Variants in NKAIN3 observed in about 807,000 individuals in gnomAD.
The protein encoded by NKAIN3 is sodium/potassium transporting ATPase interacting 3.
NKAIN3 carries 25 observed loss-of-function variants against 30.2 expected under a neutral mutation model. The ratio of observed to expected loss-of-function variants is 0.83; its 90% CI spans 0.60 to 1.16. The LOEUF (loss-of-function observed/expected upper bound fraction) is 1.16, where lower values mean the gene tolerates loss of function less well. Ranked by LOEUF, NKAIN3 falls within the 50% of genes most tolerant of loss-of-function variation. The pLI is 0.00. For missense variants in NKAIN3, 225 were observed against 254.1 expected (o/e 0.89, Z 0.78); for synonymous variants, 91 against 89.6 (o/e 1.02, Z -0.09).
intron 1 of NKAIN3, among the ~76,000 whole-genome samples, chr8:62,516,207 A>G (rs1052167114): frequency 7.2e-5 from 11 of 152,098 alleles, no homozygotes; most frequent in Non-Finnish European, 1.2e-4. Flanking sequence ...TCCACCCTTC[A>G]CATTTAAGTT....
chr8:62,343,657 T>C (rs1815829368), intron 1 of NKAIN3, among the ~76,000 whole-genome samples: 2 of 151,768 alleles, frequency 1.3e-5, no homozygotes, highest in Non-Finnish European at 2.9e-5. Context: ...AAAAAAATTT[T>C]TTAATTAACT....
intron 3 of NKAIN3, among the ~76,000 whole-genome samples, chr8:62,717,383 G>A (rs1305138027): frequency 1.3e-5 from 2 of 151,970 alleles, no homozygotes; most frequent in Non-Finnish European, 2.9e-5. Context: ...TGCTTTATGT[G>A]TTGCTTTCAT....
At chr8:62,571,053 T>C in intron 1 of NKAIN3, among the ~76,000 whole-genome samples, 1 of 152,186 alleles carries the variant, frequency 6.6e-6, no homozygotes, top group East Asian at 1.9e-4. Context: ...TAAAGTGTGA[T>C]GTAAAAGCTC....
chr8:62,345,923 C>T (rs2129591406), intron 1 of NKAIN3, among the ~76,000 whole-genome samples: 1 of 152,042 alleles, frequency 6.6e-6, no homozygotes, highest in Admixed American at 6.6e-5. Flanking sequence ...TTTGCGGCAA[C>T]ATAGATGAAA....
At chr8:62,321,462 A>T (rs945162447) in intron 1 of NKAIN3, among the ~76,000 whole-genome samples, 3 of 152,070 alleles carry the variant, frequency 2.0e-5, no homozygotes, top group African/African-American at 7.2e-5. Flanking sequence ...TTTGTGGTTT[A>T]TCTACCTTTG....
chr8:62,512,600 C>T (rs1248897513), intron 1 of NKAIN3, among the ~76,000 whole-genome samples: 1 of 152,130 alleles, frequency 6.6e-6, no homozygotes, highest in Non-Finnish European at 1.5e-5. Context: ...CACTATTCTA[C>T]TTGCTAAGTC....
At chr8:62,385,343 G>C (rs984426134) in intron 1 of NKAIN3, among the ~76,000 whole-genome samples, 1 of 152,186 alleles carries the variant, frequency 6.6e-6, no homozygotes, top group Non-Finnish European at 1.5e-5. Context: ...AGCCTATGGT[G>C]GGTATTGTTC....
chr8:62,268,608 A>T (rs1388161927), intron 1 of NKAIN3, among the ~76,000 whole-genome samples: 1 of 152,188 alleles, frequency 6.6e-6, no homozygotes, highest in East Asian at 1.9e-4. Context: ...AATACCTGTT[A>T]TGTTAGGTAT....
chr8:62,550,071 T>C (rs1809148994), intron 1 of NKAIN3, among the ~76,000 whole-genome samples: 1 of 151,884 alleles, frequency 6.6e-6, no homozygotes, highest in Non-Finnish European at 1.5e-5. Flanking sequence ...ACTCTTACAA[T>C]TATAATACAT....
intron 1 of NKAIN3, among the ~76,000 whole-genome samples, chr8:62,450,843 A>G (rs1225370460): frequency 6.6e-6 from 1 of 152,214 alleles, no homozygotes; most frequent in Non-Finnish European, 1.5e-5. Flanking sequence ...AGAATGTCTT[A>G]TGTTATTGTG....
chr8:62,785,952 C>T (rs1290355342), intron 4 of NKAIN3, among the ~76,000 whole-genome samples: 1 of 152,090 alleles, frequency 6.6e-6, no homozygotes, highest in Non-Finnish European at 1.5e-5. Context: ...AGCACCCTCA[C>T]AACTGGACAG....
intron 1 of NKAIN3, among the ~76,000 whole-genome samples, chr8:62,350,685 T>G (rs1220367020): frequency 6.6e-6 from 1 of 152,068 alleles, no homozygotes; most frequent in Non-Finnish European, 1.5e-5. Context: ...ATGAGCTTTT[T>G]AATTTTTATT....
At chr8:62,591,288 G>T (rs1452073379) in intron 3 of NKAIN3, among the ~76,000 whole-genome samples, 1 of 151,852 alleles carries the variant, frequency 6.6e-6, no homozygotes, top group Non-Finnish European at 1.5e-5. Context: ...CATAAGTCTT[G>T]AGTCCAAATC....
At chr8:62,907,503 G>T (rs940053733) in intron 4 of NKAIN3, among the ~76,000 whole-genome samples, 1 of 152,192 alleles carries the variant, frequency 6.6e-6, no homozygotes, top group African/African-American at 2.4e-5. Context: ...CATTTCAGAG[G>T]TCTTCATGGC....
At chr8:62,465,574 T>G (rs1806137286) in intron 1 of NKAIN3, among the ~76,000 whole-genome samples, 1 of 152,242 alleles carries the variant, frequency 6.6e-6, no homozygotes, top group African/African-American at 2.4e-5. Flanking sequence ...AATTTCTTCA[T>G]TCAGTAAACC....
intron 4 of NKAIN3, among the ~76,000 whole-genome samples, chr8:62,806,701 G>A (rs1250606843): frequency 6.6e-6 from 1 of 151,894 alleles, no homozygotes; most frequent in Non-Finnish European, 1.5e-5. Flanking sequence ...TATACCTAAT[G>A]CTAAATGATG....
intron 1 of NKAIN3, among the ~76,000 whole-genome samples, chr8:62,321,884 A>G (rs1475985269): frequency 6.6e-6 from 1 of 152,134 alleles, no homozygotes; most frequent in Non-Finnish European, 1.5e-5. Flanking sequence ...AAGTCTGCAG[A>G]GATTTCTACT....
chr8:62,923,723 A>G (rs1471042), intron 5 of NKAIN3, among the ~76,000 whole-genome samples: 22,650 of 152,094 alleles, frequency 0.15, 2,156 homozygotes, highest in African/African-American at 0.25. Flanking sequence ...CATCTGCAAC[A>G]TGTGGTGAAG....
At chr8:62,564,743 C>T (rs1809696114) in intron 1 of NKAIN3, among the ~76,000 whole-genome samples, 1 of 152,092 alleles carries the variant, frequency 6.6e-6, no homozygotes, top group Non-Finnish European at 1.5e-5. Flanking sequence ...TGTTTTGTTT[C>T]AGTATGTATG....
Sources: gnomAD v4.1 joint callset for allele counts (sites outside exome capture counted in the v4.1 genomes callset) on GRCh38, gnomAD v4.1.1 for gene constraint, MANE v1.5 for transcripts, NCBI Gene and HGNC (gene_info 2026-07-23, HGNC 2026-07-21) for gene names.